ZNF562: variants seen among roughly 807,000 people sequenced by gnomAD.
ZNF562 encodes the protein zinc finger protein 562.
Under a neutral mutation model 17.5 loss-of-function variants are expected in ZNF562, and 13 were observed. The observed-to-expected ratio is 0.74, with a 90% CI of 0.48 to 1.18. ZNF562 has a LOEUF of 1.18. Among genes scored for constraint, ZNF562 ranks in the 50% most tolerant of loss-of-function variants. The pLI is 0.00. For synonymous variants in ZNF562, 163 were observed against 165.4 expected, an observed-to-expected ratio of 0.99 and a Z score of 0.11; for missense variants, 481 against 498.5, an observed-to-expected ratio of 0.96 and a Z score of 0.33.
chr19:9,653,965 GA>G (rs2043364310), intron 5 of ZNF562, 84 bp from the exon 6 acceptor site: 10 of 1,347,010 alleles, frequency 7.4e-6, no homozygotes, highest in Non-Finnish European at 8.7e-6. Context: ...TTATTTTGAT[GA>G]CAATTATTTT....
At chr19:9,657,039 CAAAAAAA>C (rs1301187261) in intron 4 of ZNF562, among the ~76,000 whole-genome samples, 2 of 113,674 alleles carry the variant, frequency 1.8e-5, no homozygotes, top group Non-Finnish European at 3.7e-5. Context: ...GACTCCATCT[CAAAAAAA>C]AAAAAGAAAA....
At chr19:9,658,852 G>A (rs2043619219) in intron 3 of ZNF562, among the ~76,000 whole-genome samples, 1 of 151,670 alleles carries the variant, frequency 6.6e-6, no homozygotes, top group Non-Finnish European at 1.5e-5. Flanking sequence ...TGCCACCCAG[G>A]CACAATCGCT....
intron 1 of ZNF562, among the ~76,000 whole-genome samples, chr19:9,665,553 G>A (rs1053298090): frequency 6.6e-6 from 1 of 152,138 alleles, no homozygotes; most frequent in African/African-American, 2.4e-5. Flanking sequence ...CCAGCCCTGG[G>A]AGCAGCATAC....
chr19:9,660,088 CAAAAA>C (rs1175978470), intron 2 of ZNF562, among the ~76,000 whole-genome samples: 3 of 48,278 alleles, frequency 6.2e-5, no homozygotes, highest in African/African-American at 1.3e-4. Flanking sequence ...GACTCCATCT[CAAAAA>C]AAAAAAAAAA....
At chr19:9,662,403 G>A (rs1181141595) in intron 1 of ZNF562, among the ~76,000 whole-genome samples, 1 of 151,634 alleles carries the variant, frequency 6.6e-6, no homozygotes, top group Non-Finnish European at 1.5e-5. Context: ...GCAAAACCCT[G>A]TCTCTACTAA....
chr19:9,661,553 T>C (rs2043739063), intron 1 of ZNF562, among the ~76,000 whole-genome samples: 1 of 151,740 alleles, frequency 6.6e-6, no homozygotes, highest in Non-Finnish European at 1.5e-5. Context: ...CCCAACACTT[T>C]GGGAGGCCAA....
At position 9,653,579 on chromosome 19, in the gene ZNF562, T is replaced by A. The variant is rs1175294127; in HGVS notation, c.651A>T (p.Ala217=). The part of the protein sequence containing the change: ...KECGKGFKYF[A]SLDNHMGIHI... Reference sequence around the variant, plus strand: ...GGATTCCCATGTGATTATCAAGGCTTGCAAAATACTTAAAGCCTTTTCCAC... The same window carrying A: ...GGATTCCCATGTGATTATCAAGGCTAGCAAAATACTTAAAGCCTTTTCCAC... Residue 217 remains alanine, a synonymous_variant, in exon 6 of 6, where the codon GCA becomes GCT. Transcript: ENST00000453372. 2 of 1,614,088 alleles carry A rather than the reference T, an allele frequency of 1.2e-6. No individual in the cohort carries two copies. The highest frequency in any genetic ancestry group is 4.5e-5 in the East Asian group (2 of 44,888).
chr19:9,649,548 C>T lies in ZNF562; in HGVS notation c.*3401G>A, dbSNP rs1376633717. 6.6e-6 allele frequency: 1 copy of T among 152,110 alleles called. No homozygotes were observed. Among genetic ancestry groups the T allele is most frequent in the Non-Finnish European group, 1.5e-5 (1 of 68,028 alleles). The allele number at this position is 152,110 out of a possible 1,614,324, so 9.4% of individuals were successfully genotyped here. On this transcript the variant is annotated 3_prime_UTR_variant, in exon 6 of 6. Transcript: ENST00000453372. ...TGGGAGTGGGTCTCTGAACTGGCCCCCCTGGGTGTAGCCATCTCTTATGGT... is the reference window on the plus strand; with the variant it reads ...TGGGAGTGGGTCTCTGAACTGGCCCTCCTGGGTGTAGCCATCTCTTATGGT...
intron 1 of ZNF562, among the ~76,000 whole-genome samples, chr19:9,666,949 C>G (rs60008259): frequency 6.6e-6 from 1 of 152,110 alleles, no homozygotes; most frequent in African/African-American, 2.4e-5. Context: ...ACTTAAAGAA[C>G]TAATACCAAT....
At chr19:9,673,632 A>G (rs2044286064) in intron 1 of ZNF562, among the ~76,000 whole-genome samples, 1 of 152,176 alleles carries the variant, frequency 6.6e-6, no homozygotes, top group African/African-American at 2.4e-5. Context: ...GCTGGTAACA[A>G]TTAGAAAAAA....
rs1236061477 is a variant in ZNF562 at position 9,646,067 on chromosome 19, TTTTC to T, written c.*6878_*6881del. 6.6e-6 allele frequency: 1 copy of T among 151,104 alleles called. No homozygotes were observed. Among genetic ancestry groups the T allele is most frequent in the African/African-American group, 2.4e-5 (1 of 41,260 alleles). 9.4% of individuals were successfully genotyped at this position (151,104 alleles called of 1,614,324 possible). On this transcript the variant is annotated 3_prime_UTR_variant, in exon 6 of 6. Coordinates refer to ENST00000453372, the MANE Select transcript of ZNF562 (RefSeq NM_001130031.2). ...TGTTAATTGGTATTATTCAAGTATT[TTTTC>T]TTTTTTTTTTTTTTTTTGTGACAGA...
chr19:9,657,572 A>G (rs1227755647), intron 4 of ZNF562, among the ~76,000 whole-genome samples: 3 of 150,482 alleles, frequency 2.0e-5, no homozygotes, highest in African/African-American at 7.3e-5. Context: ...TTTTGAGTCA[A>G]AGTCCCACTC....
rs1195865214 is a variant in ZNF562 at position 9,651,573 on chromosome 19, A to G, written c.*1376T>C. On this transcript the variant is annotated 3_prime_UTR_variant, in exon 6 of 6. Coordinates refer to ENST00000453372, the MANE Select transcript of ZNF562 (RefSeq NM_001130031.2). ...ATGCTGGAGGCTGCTGGTTTACCAG[A>G]ATGAGGGCAAGCAACACCTGGCCCA... The G allele has an allele frequency of 6.6e-6, 1 of 152,206 alleles. No individual in the cohort carries two copies. The highest frequency in any genetic ancestry group is 2.4e-5 in the African/African-American group (1 of 41,448). The allele number at this position is 152,206 out of a possible 1,614,324, so 9.4% of individuals were successfully genotyped here. A position where few individuals can be genotyped will look rare whatever the true frequency, so the allele number is the denominator to read the frequency against.
rs1353028782 is a variant in ZNF562, at chr19:9,650,430, A to G, written c.*2519T>C. The G allele has an allele frequency of 1.3e-5, 2 of 150,318 alleles. No homozygotes were observed. The highest frequency in any genetic ancestry group is 3.9e-4 in the East Asian group (2 of 5,114). 9.3% of individuals were successfully genotyped at this position (150,318 alleles called of 1,614,324 possible). A position where few individuals can be genotyped will look rare whatever the true frequency, so the allele number is the denominator to read the frequency against. Reference sequence around the variant, plus strand: ...TACACACACACACACACACACACACAGTGACCCCCCAAATTTCATATGAAG... The same window carrying G: ...TACACACACACACACACACACACACGGTGACCCCCCAAATTTCATATGAAG... On this transcript the variant is annotated 3_prime_UTR_variant, in exon 6 of 6. Coordinates refer to ENST00000453372, the MANE Select transcript of ZNF562 (RefSeq NM_001130031.2).
chr19:9,665,888 C>G (rs887489689), intron 1 of ZNF562, among the ~76,000 whole-genome samples: 3 of 151,774 alleles, frequency 2.0e-5, no homozygotes, highest in East Asian at 3.9e-4. Context: ...TGATGGCGTG[C>G]ACCTCACCTA....
intron 1 of ZNF562, among the ~76,000 whole-genome samples, chr19:9,661,252 T>C (rs1450528508): frequency 3.9e-5 from 6 of 152,116 alleles, no homozygotes; most frequent in African/African-American, 1.4e-4. Context: ...CGGGCTCAAG[T>C]GATCCTCCCA....
intron 2 of ZNF562, among the ~76,000 whole-genome samples, chr19:9,660,088 CAAAAAAAAAAAAAA>C (rs1175978470): frequency 4.1e-5 from 2 of 48,278 alleles, no homozygotes; most frequent in Non-Finnish European, 8.5e-5. Flanking sequence ...GACTCCATCT[CAAAAAAAAAAAAAA>C]AAAAAAAAAA....
In ZNF562 at chr19:9,643,044, GA is replaced by G. The variant is rs753091393; in HGVS notation, c.*9904del. On this transcript the variant is annotated 3_prime_UTR_variant, in exon 6 of 6. Transcript: ENST00000453372. ...GTGACATGGCAAGACACTGTCTCTGGAAAAAAAAAAAAAAAAAAAGAACACC... is the reference window on the plus strand; with the variant it reads ...GTGACATGGCAAGACACTGTCTCTGGAAAAAAAAAAAAAAAAAAGAACACC... The G allele has an allele frequency of 0.032, 2,433 of 76,250 alleles. 64 individuals carry two copies. The highest frequency in any genetic ancestry group is 0.11 in the African/African-American group (2,010 of 18,818). 4.7% of individuals were successfully genotyped at this position (76,250 alleles called of 1,614,324 possible). A position where few individuals can be genotyped will look rare whatever the true frequency, so the allele number is the denominator to read the frequency against.
chr19:9,645,091 A>C lies in ZNF562; in HGVS notation c.*7858T>G, dbSNP rs1293279863. The stretch of plus-strand genomic sequence containing the variant: ...TGAGACAGAGTCTCACACTGTCACC[A>C]GGCTGGAGTGCCGTGGCGCAATATC... On this transcript the variant is annotated 3_prime_UTR_variant, in exon 6 of 6. Transcript: ENST00000453372. 1 of 150,566 alleles carries C rather than the reference A, an allele frequency of 6.6e-6. No homozygotes were observed. Among genetic ancestry groups the C allele is most frequent in the Non-Finnish European group, 1.5e-5 (1 of 67,832 alleles). The allele number at this position is 150,566 out of a possible 1,614,324, so 9.3% of individuals were successfully genotyped here.
Sources: gnomAD v4.1 joint callset for allele counts (sites outside exome capture counted in the v4.1 genomes callset) on GRCh38, gnomAD v4.1.1 for gene constraint, MANE v1.5 for transcripts, NCBI Gene and HGNC (gene_info 2026-07-23, HGNC 2026-07-21) for gene names.